The following CPSF6 variants were observed in gnomAD, a reference collection of about 807,000 sequenced individuals.
The protein encoded by CPSF6 is cleavage and polyadenylation specificity factor subunit 6.
A neutral mutation model predicts 56.7 loss-of-function variants in CPSF6; 10 were observed. The ratio of observed to expected loss-of-function variants is 0.18; its 90% CI spans 0.11 to 0.30. CPSF6 has a LOEUF of 0.30. Ranked by LOEUF, CPSF6 falls within the 10% of genes least tolerant of loss-of-function variation. The pLI is 1.00. For missense variants in CPSF6, 419 were observed against 722.9 expected (o/e 0.58, Z 4.82); for synonymous variants, 248 against 244.8 (o/e 1.01, Z -0.12).
At chr12:69,250,984 T>C in intron 1 of CPSF6, 145 bp from the exon 2 acceptor site, 4 of 782,560 alleles carry the variant, frequency 5.1e-6, no homozygotes, top group Non-Finnish European at 6.0e-6. Context: ...AATACATCTA[T>C]TGCATAAAGT....
chr12:69,259,289 A>C, intron 6 of CPSF6, 139 bp from the exon 7 acceptor site: 7 of 1,279,304 alleles, frequency 5.5e-6, no homozygotes, highest in Non-Finnish European at 7.4e-6. Flanking sequence ...TTGGAAAAGT[A>C]GCATGCTTCA....
intron 1 of CPSF6, among the ~76,000 whole-genome samples, chr12:69,244,234 TTTTTG>T (rs775642242): frequency 4.6e-5 from 7 of 152,190 alleles, no homozygotes; most frequent in Non-Finnish European, 8.8e-5. Context: ...TTACTTCTTT[TTTTTG>T]TTTTGTTTTG....
rs1333070557 is a variant in CPSF6, at chr12:69,273,914, T to C, written c.*4406T>C. On this transcript the variant is annotated 3_prime_UTR_variant, in exon 10 of 10. Coordinates refer to ENST00000435070, the MANE Select transcript of CPSF6 (RefSeq NM_007007.3). ...TACAAAGTTGTTTTACAATTTTTAA[T>C]GGAAAGCCCTTAACAACAACAACAA... The C allele has an allele frequency of 6.6e-6, 1 of 151,908 alleles. No homozygotes were observed. The highest frequency in any genetic ancestry group is 2.4e-5 in the African/African-American group (1 of 41,410). 9.4% of individuals were successfully genotyped at this position (151,908 alleles called of 1,614,324 possible).
At chr12:69,246,776 C>T (rs991598379) in intron 1 of CPSF6, among the ~76,000 whole-genome samples, 4 of 152,036 alleles carry the variant, frequency 2.6e-5, no homozygotes, top group Non-Finnish European at 4.4e-5. Context: ...AAACAAGTGG[C>T]CTTTGCTGTG....
At chr12:69,260,306 A>G (rs1212711740) in intron 8 of CPSF6, 109 bp downstream of exon 8, 1 of 813,230 alleles carries the variant, frequency 1.2e-6, no homozygotes, top group East Asian at 2.9e-5. Flanking sequence ...CTGATTATTT[A>G]GCAGCTGGAG....
Position 69,259,107 on chromosome 12 carries a change from G to A in CPSF6, c.1199+13G>A, listed in dbSNP as rs748828989. The A allele has an allele frequency of 6.3e-7, 1 of 1,589,630 alleles. No individual in the cohort carries two copies. The highest frequency in any genetic ancestry group is 1.1e-5 in the South Asian group (1 of 89,992). On this transcript the variant is annotated intron_variant, in intron 6 of 9. Coordinates refer to ENST00000435070, the MANE Select transcript of CPSF6 (RefSeq NM_007007.3). ...GCCCCCCTGGAAGGTAAGTTAGTGT[G>A]TATCTGTGAAAGTACTTGATGATAA...
intron 9 of CPSF6, among the ~76,000 whole-genome samples, chr12:69,267,423 A>C (rs367964317): frequency 9.2e-5 from 14 of 152,064 alleles, no homozygotes; most frequent in South Asian, 8.3e-4. Flanking sequence ...AGTTGTTTTA[A>C]CATCTGTTTA....
intron 8 of CPSF6, among the ~76,000 whole-genome samples, chr12:69,262,158 G>T (rs1565649770): frequency 1.3e-5 from 2 of 152,134 alleles, no homozygotes; most frequent in Admixed American, 6.6e-5. Flanking sequence ...GATGTGTCTG[G>T]TTGCTGATTT....
intron 9 of CPSF6, among the ~76,000 whole-genome samples, chr12:69,266,414 T>C (rs2120632939): frequency 6.6e-6 from 1 of 152,336 alleles, no homozygotes; most frequent in South Asian, 2.1e-4. Context: ...TAGTGTGTTT[T>C]GCTCACTGTG....
At chr12:69,250,790 G>T (rs557633169) in intron 1 of CPSF6, among the ~76,000 whole-genome samples, 3 of 152,086 alleles carry the variant, frequency 2.0e-5, no homozygotes, top group African/African-American at 7.2e-5. Context: ...GGGATTACAG[G>T]CGTGTGCCAC....
intron 3 of CPSF6, 48 bp from the exon 4 acceptor site, chr12:69,256,647 AAT>A (rs748813280): frequency 9.6e-5 from 147 of 1,533,778 alleles, no homozygotes; most frequent in Non-Finnish European, 1.2e-4. Context: ...TAACAGTAAT[AAT>A]ATTGATCTCT....
At chr12:69,245,406 C>T (rs900980479) in intron 1 of CPSF6, among the ~76,000 whole-genome samples, 1 of 152,102 alleles carries the variant, frequency 6.6e-6, no homozygotes, top group Non-Finnish European at 1.5e-5. Context: ...ACAGTGCCTA[C>T]TTTATAAATT....
At chr12:69,251,073 T>A (rs2231691) in intron 1 of CPSF6, 56 bp from the exon 2 acceptor site, 4 of 1,505,298 alleles carry the variant, frequency 2.7e-6, no homozygotes, top group Admixed American at 4.1e-5. Context: ...TATTCAAGTC[T>A]ATTTTAGTAG....
chr12:69,268,575 A>T (rs60049086), intron 9 of CPSF6, among the ~76,000 whole-genome samples: 2 of 151,770 alleles, frequency 1.3e-5, no homozygotes, highest in Admixed American at 6.6e-5. Context: ...AAAAAATTTT[A>T]AAAAACCTTC....
intron 1 of CPSF6, among the ~76,000 whole-genome samples, chr12:69,245,087 G>A (rs1162081783): frequency 4.1e-5 from 5 of 122,348 alleles, no homozygotes; most frequent in East Asian, 2.2e-4. Context: ...TCGAAACTCC[G>A]TCTCTATTTA....
In CPSF6 at chr12:69,270,579, T is replaced by C. The variant is rs1467550324; in HGVS notation, c.*1071T>C. The C allele has an allele frequency of 1.3e-5, 2 of 151,772 alleles. No individual in the cohort carries two copies. The highest frequency in any genetic ancestry group is 4.8e-5 in the African/African-American group (2 of 41,422). 9.4% of individuals were successfully genotyped at this position (151,772 alleles called of 1,614,324 possible). A position where few individuals can be genotyped will look rare whatever the true frequency, so the allele number is the denominator to read the frequency against. On this transcript the variant is annotated 3_prime_UTR_variant, in exon 10 of 10. Coordinates refer to ENST00000435070, the MANE Select transcript of CPSF6 (RefSeq NM_007007.3). Reference sequence around the variant, plus strand: ...AATTGGTATAAATTTTTGAAGGATGTGATGTTCATTAACATTCGGTTGTAT... The same window carrying C: ...AATTGGTATAAATTTTTGAAGGATGCGATGTTCATTAACATTCGGTTGTAT...
At position 69,258,636 on chromosome 12, in the gene CPSF6, T is replaced by A. The variant is rs1415298970; in HGVS notation, c.741T>A (p.Pro247=). 2.5e-6 allele frequency: 4 copies of A among 1,613,616 alleles called. No homozygotes were observed. Among genetic ancestry groups the A allele is most frequent in the Non-Finnish European group, 3.4e-6 (4 of 1,179,834 alleles). ...PRPPLGPPGP[P]GPPGPPPPGQ... ...CACCCTTAGGTCCTCCAGGCCCACC[T>A]GGTCCACCAGGTCCTCCACCTCCTG... Residue 247 remains proline (P), a synonymous_variant, in exon 6 of 10, where the codon CCT becomes CCA. Coordinates refer to ENST00000435070, the MANE Select transcript of CPSF6 (RefSeq NM_007007.3). This position sits in a 1 kb window ranked among gnomAD's most constrained non-coding sequence, Gnocchi z 4.2.
At chr12:69,268,195 A>C (rs925994184) in intron 9 of CPSF6, among the ~76,000 whole-genome samples, 10 of 151,710 alleles carry the variant, frequency 6.6e-5, no homozygotes, top group Non-Finnish European at 1.5e-4. Context: ...GCCATTTTGT[A>C]TTTTTTCCCC....
At chr12:69,259,676 T>G in intron 7 of CPSF6, 133 bp downstream of exon 7, 1 of 834,304 alleles carries the variant, frequency 1.2e-6, no homozygotes, top group African/African-American at 1.7e-5. Context: ...TACCTACGAT[T>G]TATTTAAAAA....
Sources: allele counts gnomAD v4.1 joint callset (sites outside exome capture counted in the v4.1 genomes callset), GRCh38; gene constraint gnomAD v4.1.1; non-coding constraint Gnocchi (gnomAD v3.1); transcripts MANE v1.5; gene names NCBI Gene and HGNC (gene_info 2026-07-23, HGNC 2026-07-21).